The following GPR39 variants were observed in gnomAD, a reference collection of about 807,000 sequenced individuals.
GPR39 encodes zinc sensing receptor.
A neutral mutation model predicts 18.4 loss-of-function variants in GPR39; 23 were observed. The observed-to-expected ratio is 1.25, with a 90% CI of 0.90 to 1.77. The LOEUF (loss-of-function observed/expected upper bound fraction) is 1.77. Among genes scored for constraint, GPR39 ranks in the 40% most tolerant of loss-of-function variants. The pLI is 0.00. For missense variants in GPR39, 647 were observed against 602.4 expected, an observed-to-expected ratio of 1.07 and a Z score of -0.78; for synonymous variants, 280 against 257.9, an observed-to-expected ratio of 1.09 and a Z score of -0.82.
chr2:132,547,354 A>C (rs1249474712), intron 1 of GPR39, among the ~76,000 whole-genome samples: 2 of 152,198 alleles, frequency 1.3e-5, no homozygotes, highest in Non-Finnish European at 2.9e-5. Context: ...AGATCTCAGA[A>C]ATTGCAAAGC....
intron 1 of GPR39, among the ~76,000 whole-genome samples, chr2:132,600,427 A>T (rs1319876815): frequency 1.3e-5 from 2 of 152,322 alleles, no homozygotes; most frequent in East Asian, 3.9e-4. Context: ...ATAGAGGAAA[A>T]AATACAAACA....
rs1454678244 is a variant in GPR39 at position 132,645,790 on chromosome 2, G to A, written c.*184G>A. On this transcript the variant is annotated 3_prime_UTR_variant, in exon 2 of 2. Coordinates refer to ENST00000329321, the MANE Select transcript of GPR39 (RefSeq NM_001508.3). Reference sequence around the variant, plus strand: ...ACTCTGCCAGCCTGGCCTTGACTCCGGTTACACAGACATGGGGGTGAACTT... The same window carrying A: ...ACTCTGCCAGCCTGGCCTTGACTCCAGTTACACAGACATGGGGGTGAACTT... The A allele has an allele frequency of 1.1e-5, 9 of 830,868 alleles. No individual in the cohort carries two copies. The highest frequency in any genetic ancestry group is 3.0e-5 in the Admixed American group (1 of 33,114). The allele number at this position is 830,868 out of a possible 1,614,324, so 51.5% of individuals were successfully genotyped here. A position where few individuals can be genotyped will look rare whatever the true frequency, so the allele number is the denominator to read the frequency against.
intron 1 of GPR39, among the ~76,000 whole-genome samples, chr2:132,479,844 C>T (rs947187608): frequency 6.6e-6 from 1 of 152,060 alleles, no homozygotes; most frequent in Non-Finnish European, 1.5e-5. Context: ...AGCAATCCCA[C>T]TTCTGGATAT....
chr2:132,632,661 C>G (rs1681670779), intron 1 of GPR39, among the ~76,000 whole-genome samples: 1 of 152,098 alleles, frequency 6.6e-6, no homozygotes, highest in South Asian at 2.1e-4. Flanking sequence ...CATGCCTCCA[C>G]TTTTCTATTT....
At chr2:132,554,959 T>G (rs545917225) in intron 1 of GPR39, among the ~76,000 whole-genome samples, 1 of 152,118 alleles carries the variant, frequency 6.6e-6, no homozygotes, top group Admixed American at 6.5e-5. Context: ...AACCATTTTT[T>G]TTTTTTTCCT....
chr2:132,578,791 T>C (rs1680573335), intron 1 of GPR39, among the ~76,000 whole-genome samples: 1 of 151,820 alleles, frequency 6.6e-6, no homozygotes, highest in Admixed American at 6.6e-5. Flanking sequence ...TAGATTTGTT[T>C]ATAGTCTCTT....
intron 1 of GPR39, among the ~76,000 whole-genome samples, chr2:132,608,785 C>T (rs190618673): frequency 2.5e-3 from 387 of 152,270 alleles, no homozygotes; most frequent in African/African-American, 8.5e-3. Flanking sequence ...TAGCCCCCTC[C>T]GCTGCAAAGC....
At chr2:132,470,695 T>C (rs1484635093) in intron 1 of GPR39, among the ~76,000 whole-genome samples, 1 of 150,662 alleles carries the variant, frequency 6.6e-6, no homozygotes, top group Non-Finnish European at 1.5e-5. Flanking sequence ...GAAGCATTTG[T>C]TGGGGGGCAG....
rs188506344 is a variant in GPR39, at chr2:132,529,039, G to T, written c.856+111141G>T. The stretch of plus-strand genomic sequence containing the variant: ...GTGGGTGCAGGACAGTGGGTGCAGC[G>T]CACTGTGCGTGAGCTGAAGCAGGCC... On this transcript the variant is annotated intron_variant, in intron 1 of 1. Transcript: ENST00000329321. 5.9e-5 allele frequency among the ~76,000 whole-genome samples: 9 copies of T among 152,286 alleles called. No individual in the cohort carries two copies. The East Asian group carries it at 1.7e-3, about 29-fold the overall frequency.
chr2:132,511,056 A>G (rs754179207), intron 1 of GPR39, among the ~76,000 whole-genome samples: 1 of 152,222 alleles, frequency 6.6e-6, no homozygotes, highest in Non-Finnish European at 1.5e-5. Flanking sequence ...AACCTTTTCT[A>G]TCTCATTTAA....
chr2:132,547,734 T>C (rs1679974988), intron 1 of GPR39, among the ~76,000 whole-genome samples: 1 of 152,168 alleles, frequency 6.6e-6, no homozygotes, highest in Non-Finnish European at 1.5e-5. Context: ...GGGTAACTTA[T>C]TTGCTGATCC....
intron 1 of GPR39, among the ~76,000 whole-genome samples, chr2:132,513,786 A>G (rs1035884493): frequency 2.6e-5 from 4 of 152,162 alleles, no homozygotes; most frequent in Admixed American, 6.5e-5. Context: ...TTCACAGCTC[A>G]TGGCAGCCTT....
At chr2:132,517,732 C>T (rs1026368373) in intron 1 of GPR39, among the ~76,000 whole-genome samples, 1 of 152,108 alleles carries the variant, frequency 6.6e-6, no homozygotes, top group Non-Finnish European at 1.5e-5. Flanking sequence ...TGTTTTTAAC[C>T]ATTGAAAGAA....
chr2:132,563,917 A>G lies in GPR39; in HGVS notation c.857-81184A>G, dbSNP rs1207880253. The stretch of plus-strand genomic sequence containing the variant: ...GGGTCCCCCCACCCCAACCATGGAC[A>G]TGGTTGTAATTGGTGTGGGATGTGA... On this transcript the variant is annotated intron_variant, in intron 1 of 1. Coordinates refer to ENST00000329321, the MANE Select transcript of GPR39 (RefSeq NM_001508.3). Among the ~76,000 whole-genome samples, 3 of 152,304 alleles carry G rather than the reference A, an allele frequency of 2.0e-5. No homozygotes were observed. The East Asian group carries it at 5.8e-4, about 29-fold the overall frequency.
intron 1 of GPR39, among the ~76,000 whole-genome samples, chr2:132,481,514 T>G (rs1681233993): frequency 6.6e-6 from 1 of 152,230 alleles, no homozygotes. Context: ...TGGAATGGGA[T>G]GCAATTTTAA....
intron 1 of GPR39, among the ~76,000 whole-genome samples, chr2:132,458,474 G>GTT (rs963172069): frequency 1.3e-5 from 2 of 150,072 alleles, no homozygotes; most frequent in African/African-American, 4.9e-5. Flanking sequence ...GTGTGTGTGT[G>GTT]TGTGTGTGTG....
chr2:132,434,069 T>C (rs1316876049), intron 1 of GPR39, among the ~76,000 whole-genome samples: 7 of 152,018 alleles, frequency 4.6e-5, no homozygotes. Context: ...GATGAGTTCC[T>C]GTACACCATT....
intron 1 of GPR39, among the ~76,000 whole-genome samples, chr2:132,526,905 TA>T (rs1220182427): frequency 2.6e-5 from 4 of 152,378 alleles, no homozygotes; most frequent in Non-Finnish European, 5.9e-5. Flanking sequence ...ACCCTTTTTT[TA>T]AAATTAATTC....
intron 1 of GPR39, among the ~76,000 whole-genome samples, chr2:132,587,136 C>T (rs60250442): frequency 0.02 from 3,074 of 152,278 alleles, 50 homozygotes; most frequent in Non-Finnish European, 0.027. Context: ...GAGATTAGGA[C>T]GGTCCGGGAT....
Sources: gnomAD v4.1 joint callset for allele counts (sites outside exome capture counted in the v4.1 genomes callset) on GRCh38, gnomAD v4.1.1 for gene constraint, MANE v1.5 for transcripts, NCBI Gene and HGNC (gene_info 2026-07-23, HGNC 2026-07-21) for gene names.